Variants in GPR149 observed in about 807,000 individuals in gnomAD.
GPR149 encodes G protein-coupled receptor 149.
A neutral mutation model predicts 50.2 loss-of-function variants in GPR149; 50 were observed. The ratio of observed to expected loss-of-function variants is 1.00; its 90% CI spans 0.79 to 1.26. The LOEUF is 1.26. Ranked by LOEUF, GPR149 falls within the 50% of genes most tolerant of loss-of-function variation. The probability of loss-of-function intolerance (pLI) is 0.00; values close to 1 mark genes in which losing one functional copy is unlikely to be tolerated. For synonymous variants in GPR149, 405 were observed against 358.2 expected (o/e 1.13, Z -1.48); for missense variants, 983 against 895.4 (o/e 1.10, Z -1.25).
chr3:154,375,435 C>A (rs1421389785), intron 3 of GPR149, among the ~76,000 whole-genome samples: 1 of 152,122 alleles, frequency 6.6e-6, no homozygotes, highest in Non-Finnish European at 1.5e-5. Context: ...TACCTGTAGG[C>A]TATTTTGTCA....
At chr3:154,402,664 A>G (rs1711576163) in intron 3 of GPR149, among the ~76,000 whole-genome samples, 3 of 151,994 alleles carry the variant, frequency 2.0e-5, no homozygotes, top group Admixed American at 2.0e-4. Context: ...TTGTGGATCA[A>G]TTCCTTTCTT....
intron 3 of GPR149, among the ~76,000 whole-genome samples, chr3:154,357,332 G>C (rs978968373): frequency 1.3e-5 from 2 of 152,108 alleles, no homozygotes; most frequent in Admixed American, 6.5e-5. Context: ...ATTGACAAAT[G>C]GGATCTAATT....
In GPR149 at chr3:154,429,421, A is replaced by T. The variant is rs750449181; in HGVS notation, c.195T>A (p.Thr65=). The T allele has an allele frequency of 1.3e-5, 21 of 1,614,172 alleles. No homozygotes were observed. The highest frequency in any genetic ancestry group is 1.7e-5 in the Non-Finnish European group (20 of 1,180,038). Residue 65 remains threonine, a synonymous_variant, in exon 1 of 4, where the codon ACT becomes ACA. Coordinates refer to ENST00000389740, the MANE Select transcript of GPR149 (RefSeq NM_001038705.3). ...AGGAAGCCACAAGCATGGACACAAC[A>T]GTTCTGTTCTGCATTTTCAGCAGGG... The part of the protein sequence containing the change: ...LISLLKMQNR[T]VVSMLVASWS...
At chr3:154,367,842 C>A (rs568947009) in intron 3 of GPR149, among the ~76,000 whole-genome samples, 1 of 152,182 alleles carries the variant, frequency 6.6e-6, no homozygotes, top group South Asian at 2.1e-4. Context: ...AAAGGCATCT[C>A]GATCCTCACA....
At chr3:154,413,958 A>G (rs1364165692) in intron 3 of GPR149, among the ~76,000 whole-genome samples, 1 of 151,378 alleles carries the variant, frequency 6.6e-6, no homozygotes, top group East Asian at 1.9e-4. Flanking sequence ...ATATATATAT[A>G]TACATGGAAT....
chr3:154,416,565 A>G (rs554579143), intron 3 of GPR149, among the ~76,000 whole-genome samples: 39 of 151,866 alleles, frequency 2.6e-4, no homozygotes, highest in Non-Finnish European at 1.8e-4. Context: ...ATAATATTTT[A>G]AAAATACTAT....
At position 154,423,849 on chromosome 3, in the gene GPR149, ATTT is replaced by A. The variant is rs1165926350; in HGVS notation, c.1175-2365_1175-2363del. 3.1e-4 allele frequency among the ~76,000 whole-genome samples: 47 copies of A among 151,514 alleles called. 1 individual carries two copies. Among genetic ancestry groups the A allele is most frequent in the Admixed American group, 1.8e-3 (27 of 15,226 alleles). On this transcript the variant is annotated intron_variant, in intron 2 of 3. Transcript: ENST00000389740. The stretch of plus-strand genomic sequence containing the variant: ...TTAGGTAACATTAATTATTATTATT[ATTT>A]TTTATTATTATTATACTTTAAGTTC...
chr3:154,397,730 T>C (rs538495864), intron 3 of GPR149, among the ~76,000 whole-genome samples: 4 of 152,300 alleles, frequency 2.6e-5, no homozygotes, highest in Non-Finnish European at 4.4e-5. Context: ...TGTGACATCA[T>C]TGAATGCAGA....
At chr3:154,403,764 G>A (rs1711606030) in intron 3 of GPR149, among the ~76,000 whole-genome samples, 1 of 137,066 alleles carries the variant, frequency 7.3e-6, no homozygotes. Flanking sequence ...TGGACTTTTG[G>A]TCCATTCCTA....
Position 154,428,863 on chromosome 3 carries a change from C to T in GPR149, c.753G>A (p.Leu251=), listed in dbSNP as rs1422679254. Residue 251 remains leucine (L), a synonymous_variant, in exon 1 of 4, where the codon CTG becomes CTA. Coordinates refer to ENST00000389740, the MANE Select transcript of GPR149 (RefSeq NM_001038705.3). ...TPPTAGRVVS[L]SPEDAPGPSL... is the part of the protein sequence containing the mutation. ...TCGGGCCTGGAGCATCCTCTGGGGA[C>T]AGGGAAACCACTCTCCCCGCAGTAG... 1 of 1,613,938 alleles carries T rather than the reference C, an allele frequency of 6.2e-7. No individual in the cohort carries two copies. The highest frequency in any genetic ancestry group is 2.2e-5 in the East Asian group (1 of 44,858).
intron 3 of GPR149, among the ~76,000 whole-genome samples, chr3:154,373,638 C>T (rs537976603): frequency 6.6e-5 from 10 of 152,152 alleles, no homozygotes; most frequent in Non-Finnish European, 1.3e-4. Context: ...TAGGAACAGA[C>T]ATGATTAGAA....
chr3:154,338,020 A>G lies in GPR149; in HGVS notation c.1875T>C (p.Cys625=), dbSNP rs2108381743. ...VKIHLEVLEI[C]DNEEALDTVS... ...CAGTGTCCAAGGCCTCTTCATTATC[A>G]CAAATTTCAAGAACCTCCAAGTGTA... The change falls in exon 4 of 4, where the codon TGT becomes TGC. Residue 625 remains cysteine (C), a synonymous_variant. Transcript: ENST00000389740. 6.2e-7 allele frequency: 1 copy of G among 1,614,198 alleles called. No individual in the cohort carries two copies. The highest frequency in any genetic ancestry group is 8.5e-7 in the Non-Finnish European group (1 of 1,180,028).
At chr3:154,352,452 C>G (rs1714103100) in intron 3 of GPR149, 2 of 812,616 alleles carry the variant, frequency 2.5e-6, no homozygotes, top group Non-Finnish European at 4.4e-6. Flanking sequence ...AACATCAAAG[C>G]AAACACCCAT....
chr3:154,372,201 C>T (rs1714682937), intron 3 of GPR149, among the ~76,000 whole-genome samples: 1 of 152,172 alleles, frequency 6.6e-6, no homozygotes, highest in African/African-American at 2.4e-5. Flanking sequence ...AGCTGTGAAA[C>T]TCACTCCTTT....
At chr3:154,376,281 T>C (rs1165384587) in intron 3 of GPR149, among the ~76,000 whole-genome samples, 3 of 152,206 alleles carry the variant, frequency 2.0e-5, no homozygotes, top group Non-Finnish European at 4.4e-5. Context: ...ACTCATCTCA[T>C]TGTTTGTAAA....
intron 3 of GPR149, among the ~76,000 whole-genome samples, chr3:154,381,159 T>C (rs1714913617): frequency 6.6e-6 from 1 of 152,182 alleles, no homozygotes; most frequent in Admixed American, 6.5e-5. Context: ...ATGGATGCAA[T>C]TGAAATATTT....
chr3:154,384,128 T>C (rs541561109), intron 3 of GPR149, among the ~76,000 whole-genome samples: 1 of 152,272 alleles, frequency 6.6e-6, no homozygotes, highest in African/African-American at 2.4e-5. Flanking sequence ...ATTGAGACAA[T>C]GTACTTTGCA....
chr3:154,392,054 TATG>T (rs978458680), intron 3 of GPR149, among the ~76,000 whole-genome samples: 397 of 36,614 alleles, frequency 0.011, 2 homozygotes, highest in African/African-American at 0.024. Context: ...AAATAAATAA[TATG>T]ATAATTGTGA....
At chr3:154,357,469 C>T (rs909054341) in intron 3 of GPR149, among the ~76,000 whole-genome samples, 1 of 152,100 alleles carries the variant, frequency 6.6e-6, no homozygotes, top group African/African-American at 2.4e-5. Flanking sequence ...CTACAATGAA[C>T]TCAAACAAAT....
Sources: gnomAD v4.1 joint callset for allele counts (sites outside exome capture counted in the v4.1 genomes callset) on GRCh38, gnomAD v4.1.1 for gene constraint, MANE v1.5 for transcripts, NCBI Gene and HGNC (gene_info 2026-07-23, HGNC 2026-07-21) for gene names.